Variants in RSPH14 observed in about 807,000 individuals in gnomAD.
RSPH14 encodes the protein rhabdoid tumor deletion region gene 1.
RSPH14 carries 20 observed loss-of-function variants against 26.7 expected under a neutral mutation model. The observed-to-expected ratio is 0.75, with a 90% CI of 0.53 to 1.09. The LOEUF (loss-of-function observed/expected upper bound fraction) is 1.09. Ranked by LOEUF, RSPH14 falls within the 50% of genes least tolerant of loss-of-function variation. The probability of loss-of-function intolerance (pLI) is 0.00; values close to 1 mark genes in which losing one functional copy is unlikely to be tolerated. For synonymous variants in RSPH14, 177 were observed against 189.3 expected, an observed-to-expected ratio of 0.93 and a Z score of 0.53; for missense variants, 449 against 457.2, an observed-to-expected ratio of 0.98 and a Z score of 0.16.
chr22:23,148,951 G>T (rs1488596294), upstream of RSPH14, among the ~76,000 whole-genome samples: 1 of 152,240 alleles, frequency 6.6e-6, no homozygotes, highest in African/African-American at 2.4e-5. Context: ...ACGACCACAT[G>T]AAAAGGTGCT....
the RSPH14 span, among the ~76,000 whole-genome samples, chr22:23,172,814 G>A: frequency 6.6e-6 from 1 of 151,380 alleles, no homozygotes. Flanking sequence ...GCCGGGTGTG[G>A]TGGCAGGCGC....
rs1032364703 is a variant in RSPH14 at position 23,071,704 on chromosome 22, G to C, written c.422-7571C>G. On this transcript the variant is annotated intron_variant, in intron 4 of 6. Coordinates refer to ENST00000216036, the MANE Select transcript of RSPH14 (RefSeq NM_014433.3). This position sits in a 1 kb window ranked among gnomAD's most constrained non-coding sequence, Gnocchi z 4.1. ...CTCGACCAACCCCGCTTGAGTGCAG[G>C]TGCAGGGGCCTCGGGAGGGACCTCA... 2.6e-5 allele frequency among the ~76,000 whole-genome samples: 4 copies of C among 152,224 alleles called. No homozygotes were observed. The highest frequency in any genetic ancestry group is 5.9e-5 in the Non-Finnish European group (4 of 68,042).
intron 4 of RSPH14, among the ~76,000 whole-genome samples, chr22:23,093,620 T>A (rs1211983580): frequency 3.9e-5 from 6 of 152,208 alleles, no homozygotes; most frequent in Non-Finnish European, 8.8e-5. Context: ...GGACCAGGCT[T>A]GTGCTGGACG....
chr22:23,068,278 C>G (rs1295409044), intron 4 of RSPH14, among the ~76,000 whole-genome samples: 1 of 152,260 alleles, frequency 6.6e-6, no homozygotes, highest in African/African-American at 2.4e-5. Flanking sequence ...CTTTGGGAAG[C>G]TGGCCCAATG....
intron 4 of RSPH14, among the ~76,000 whole-genome samples, chr22:23,104,908 G>A (rs1274892262): frequency 6.6e-6 from 1 of 152,182 alleles, no homozygotes; most frequent in East Asian, 1.9e-4. Flanking sequence ...CATCTCAGGG[G>A]GGACACCCAG....
chr22:23,119,751 C>G (rs753633169), intron 4 of RSPH14, among the ~76,000 whole-genome samples: 2 of 152,178 alleles, frequency 1.3e-5, no homozygotes, highest in Non-Finnish European at 2.9e-5. Context: ...CTGTCTGAGC[C>G]CGGAAGTGAG....
the RSPH14 span, chr22:23,153,006 CT>C: frequency 6.5e-7 from 1 of 1,538,344 alleles, no homozygotes; most frequent in Non-Finnish European, 9.0e-7. Flanking sequence ...GAGTACACCC[CT>C]GTGACGACTT....
In RSPH14 at chr22:23,059,621, A is replaced by G. The variant is rs1189310616; in HGVS notation, c.888T>C (p.Leu296=). The change falls in exon 7 of 7, where the codon CTT becomes CTC. Residue 296 remains leucine (L), a synonymous_variant. Transcript: ENST00000216036. ...TIARLNATKA[L]TMLAEAPEGR... ...CCTCGGGGGCCTCTGCCAGCATGGT[A>G]AGGGCCTTGGTGGCATTCAGGCGCG... 8 of 1,612,318 alleles carry G rather than the reference A, an allele frequency of 5.0e-6. No individual in the cohort carries two copies. The East Asian group carries it at 1.8e-4, about 36-fold the overall frequency.
At chr22:23,115,571 C>A (rs1449034097) in intron 4 of RSPH14, among the ~76,000 whole-genome samples, 1 of 152,038 alleles carries the variant, frequency 6.6e-6, no homozygotes, top group Non-Finnish European at 1.5e-5. Context: ...ATACCCCTTC[C>A]TAGAACAGGA....
the RSPH14 span, among the ~76,000 whole-genome samples, chr22:23,166,420 A>C: frequency 6.6e-6 from 1 of 151,924 alleles, no homozygotes; most frequent in African/African-American, 2.4e-5. Flanking sequence ...GCTGTGTCCC[A>C]ATGTCTGCTC....
At chr22:23,091,194 A>G (rs1473484153) in intron 4 of RSPH14, among the ~76,000 whole-genome samples, 1 of 152,242 alleles carries the variant, frequency 6.6e-6, no homozygotes, top group Non-Finnish European at 1.5e-5. Context: ...ACAGACATGT[A>G]CATGGATCTG....
intron 4 of RSPH14, among the ~76,000 whole-genome samples, chr22:23,104,476 T>C (rs1022166621): frequency 1.3e-5 from 2 of 152,190 alleles, no homozygotes; most frequent in Non-Finnish European, 2.9e-5. Context: ...TCAACCTGCA[T>C]CGGCTAGGCT....
Position 23,137,011 on chromosome 22 carries a change from T to C in RSPH14, c.302+1829A>G, listed in dbSNP as rs569597198. Among the ~76,000 whole-genome samples, 5 of 138,676 alleles carry C rather than the reference T, an allele frequency of 3.6e-5. 1 individual carries two copies. The highest frequency in any genetic ancestry group is 6.4e-5 in the Non-Finnish European group (4 of 62,220). The allele number at this position is 138,676 out of a possible 152,430, so 91.0% of individuals were successfully genotyped here. On this transcript the variant is annotated intron_variant, in intron 3 of 6. Transcript: ENST00000216036. Reference sequence around the variant, plus strand: ...TGCAGTGCCAGCCTGCCCTTCTTGGTACAAAGCATGTGAATTAGGGTGCTA... The same window carrying C: ...TGCAGTGCCAGCCTGCCCTTCTTGGCACAAAGCATGTGAATTAGGGTGCTA...
chr22:23,146,625 C>T, upstream of RSPH14: 1 of 1,614,116 alleles, frequency 6.2e-7, no homozygotes, highest in Non-Finnish European at 8.5e-7. Context: ...GAATGAGGTC[C>T]TCCCTGACAC....
chr22:23,064,173 ACACC>A, intron 4 of RSPH14, 40 bp from the exon 5 acceptor site: 4 of 1,575,064 alleles, frequency 2.5e-6, no homozygotes, highest in Non-Finnish European at 3.5e-6. Context: ...GGCTGGCCAC[ACACC>A]CACCCACCCA....
At chr22:23,146,655 C>G (rs546439416), upstream of RSPH14, 113 of 1,614,028 alleles carry the variant, frequency 7.0e-5, 2 homozygotes, top group South Asian at 1.2e-3. Flanking sequence ...CCCCTGTGAG[C>G]CGCGACCGTG....
the RSPH14 span, chr22:23,161,049 A>G: frequency 6.4e-7 from 1 of 1,551,414 alleles, no homozygotes; most frequent in Non-Finnish European, 8.7e-7. Context: ...GGAGGCCTAA[A>G]ATCCACATGC....
At chr22:23,175,673 A>C in the RSPH14 span, among the ~76,000 whole-genome samples, 1 of 152,210 alleles carries the variant, frequency 6.6e-6, no homozygotes, top group African/African-American at 2.4e-5. Flanking sequence ...AATGTCACCC[A>C]CTGCTCATAG....
chr22:23,139,032 G>T, intron 2 of RSPH14, 90 bp from the exon 3 acceptor site: 2 of 967,282 alleles, frequency 2.1e-6, no homozygotes, highest in Non-Finnish European at 1.5e-6. Context: ...AAGTGGGCCA[G>T]TTGGGGCAGG....
Sources: gnomAD v4.1 joint callset for allele counts (sites outside exome capture counted in the v4.1 genomes callset) on GRCh38, gnomAD v4.1.1 for gene constraint, Gnocchi (gnomAD v3.1) non-coding constraint, MANE v1.5 for transcripts, NCBI Gene and HGNC (gene_info 2026-07-23, HGNC 2026-07-21) for gene names.